IL16: variants seen among roughly 807,000 people sequenced by gnomAD.
IL16 encodes pro-interleukin-16.
In IL16, 67 loss-of-function variants were observed where a neutral mutation model predicts 110.1. The ratio of observed to expected loss-of-function variants is 0.61; its 90% CI spans 0.50 to 0.75. The LOEUF is 0.75. Ranked by LOEUF, IL16 falls within the 30% of genes least tolerant of loss-of-function variation. The probability of loss-of-function intolerance (pLI) is 0.00; values close to 1 mark genes in which losing one functional copy is unlikely to be tolerated. For missense variants in IL16, 1,545 were observed against 1,655.0 expected (o/e 0.93, Z 1.15); for synonymous variants, 689 against 662.9 (o/e 1.04, Z -0.61).
chr15:81,190,719 GT>G (rs1895486140), intron 1 of IL16, among the ~76,000 whole-genome samples: 1 of 152,118 alleles, frequency 6.6e-6, no homozygotes, highest in African/African-American at 2.4e-5. Flanking sequence ...GAAAAATCCA[GT>G]TTCTTAGAAA....
At chr15:81,259,516 T>G (rs1898074946) in intron 2 of IL16, among the ~76,000 whole-genome samples, 2 of 152,376 alleles carry the variant, frequency 1.3e-5, no homozygotes, top group African/African-American at 2.4e-5. Flanking sequence ...AGCTGAAGGA[T>G]TCATTCAATT....
At chr15:81,238,788 A>T in intron 2 of IL16, among the ~76,000 whole-genome samples, 2 of 146,528 alleles carry the variant, frequency 1.4e-5, no homozygotes, top group African/African-American at 5.0e-5. Context: ...TCCTTTAGCC[A>T]TTCTTTAAGG....
intron 3 of IL16, among the ~76,000 whole-genome samples, chr15:81,260,501 CTAGT>C (rs1467278703): frequency 6.6e-6 from 1 of 152,140 alleles, no homozygotes; most frequent in Non-Finnish European, 1.5e-5. Context: ...TTTATGAAAT[CTAGT>C]TAACCAACTC....
At position 81,279,786 on chromosome 15, in the gene IL16, G is replaced by T. The variant is rs771648519; in HGVS notation, c.1081+12G>T. The T allele has an allele frequency of 6.2e-7, 1 of 1,611,416 alleles. No homozygotes were observed. Among genetic ancestry groups the T allele is most frequent in the African/African-American group, 1.3e-5 (1 of 74,902 alleles). On this transcript the variant is annotated intron_variant, in intron 8 of 18. Transcript: ENST00000683961. ...TTCTCTGCAGAAAGGTAGGAGTGCT[G>T]CAGCTGTGTCCCGTGCCTGGGTCTC...
Position 81,282,686 on chromosome 15 carries a change from C to T in IL16, c.1129C>T (p.Gln377Ter). The T allele has an allele frequency of 6.2e-7, 1 of 1,614,140 alleles. No homozygotes were observed. Among genetic ancestry groups the T allele is most frequent in the Non-Finnish European group, 8.5e-7 (1 of 1,180,046 alleles). ...GIGLCSVPYF[Q>*]CISGIFVHTL... is the part of the protein sequence containing the mutation. ...CGGCCTGTGCAGCGTTCCCTACTTC[C>T]AATGCATCTCTGGCATTTTCGTCCA... is the stretch of plus-strand genomic sequence containing the variant. The change falls in exon 9 of 19, where the codon CAA becomes TAA. Residue 377 changes from glutamine to a stop codon, truncating the protein, a stop_gained. Coordinates refer to ENST00000683961, the MANE Select transcript of IL16 (RefSeq NM_172217.5). LOFTEE classifies it high-confidence loss of function.
At chr15:81,266,114 G>A (rs1259112340) in intron 4 of IL16, among the ~76,000 whole-genome samples, 1 of 152,186 alleles carries the variant, frequency 6.6e-6, no homozygotes, top group Non-Finnish European at 1.5e-5. Context: ...TGCGTGGATC[G>A]CTTTATTTCA....
chr15:81,222,008 G>A (rs1042207512), intron 1 of IL16, among the ~76,000 whole-genome samples: 1 of 152,136 alleles, frequency 6.6e-6, no homozygotes, highest in African/African-American at 2.4e-5. Flanking sequence ...CTTGCACCTA[G>A]CCCCAAAGGC....
intron 1 of IL16, among the ~76,000 whole-genome samples, chr15:81,185,395 G>A (rs577578534): frequency 7.9e-5 from 11 of 139,768 alleles, no homozygotes; most frequent in Middle Eastern, 3.9e-3. Context: ...CTCATCTGTC[G>A]CCCAGGCTAG....
At chr15:81,230,113 A>G (rs984765154) in intron 2 of IL16, among the ~76,000 whole-genome samples, 1 of 152,200 alleles carries the variant, frequency 6.6e-6, no homozygotes, top group African/African-American at 2.4e-5. Flanking sequence ...GCATGAAAGT[A>G]CTGATTAGGG....
chr15:81,212,360 T>TTA (rs533330059), intron 1 of IL16, among the ~76,000 whole-genome samples: 211 of 152,296 alleles, frequency 1.4e-3, no homozygotes, highest in Non-Finnish European at 2.5e-3. Context: ...CTTTATTTAC[T>TTA]TATATATACA....
At chr15:81,286,708 G>A (rs1463868124) in intron 10 of IL16, among the ~76,000 whole-genome samples, 2 of 152,174 alleles carry the variant, frequency 1.3e-5, no homozygotes, top group Admixed American at 6.5e-5. Context: ...GAAGCTGATG[G>A]TGAGAGCCTG....
Position 81,225,414 on chromosome 15 carries a change from C to G in IL16, c.15C>G (p.Ser5Arg). Reference protein sequence around the residue: MESHSRAGKSRKSAK... With the variant: MESHRRAGKSRKSAK... ...CCTCTTTGAGGATGGAGTCGCACAGCCGCGCTGGAAAGAGCAGAAAATCTG... is the reference window on the plus strand; with the variant it reads ...CCTCTTTGAGGATGGAGTCGCACAGGCGCGCTGGAAAGAGCAGAAAATCTG... The change falls in exon 2 of 19, where the codon AGC (serine) becomes AGG (arginine). Residue 5 changes from serine to arginine, a missense_variant. By Grantham distance (110) the Ser-to-Arg change is moderately radical (BLOSUM62 -1). Coordinates refer to ENST00000683961, the MANE Select transcript of IL16 (RefSeq NM_172217.5). 1 of 1,613,906 alleles carries G rather than the reference C, an allele frequency of 6.2e-7. No homozygotes were observed.
intron 13 of IL16, 129 bp downstream of exon 13, chr15:81,297,207 C>A (rs1900031363): frequency 2.2e-6 from 2 of 902,140 alleles, no homozygotes; most frequent in Non-Finnish European, 1.6e-6. Context: ...CCTGGCTGAT[C>A]AACAGTCAAG....
chr15:81,238,027 C>G (rs972781238), intron 2 of IL16, among the ~76,000 whole-genome samples: 1 of 152,144 alleles, frequency 6.6e-6, no homozygotes, highest in Admixed American at 6.5e-5. Flanking sequence ...CCTCAGCCTT[C>G]CGAGTAGCTG....
chr15:81,207,246 C>CAAAAAAAAA (rs60442931), intron 1 of IL16, among the ~76,000 whole-genome samples: 64 of 102,296 alleles, frequency 6.3e-4, no homozygotes, highest in Non-Finnish European at 1.2e-3. Flanking sequence ...TCAAAAAAAA[C>CAAAAAAAAA]AAAAAAAAAA....
Position 81,312,721 on chromosome 15 carries a change from T to A in IL16, c.*3923T>A, listed in dbSNP as rs2141666048. Reference sequence around the variant, plus strand: ...AACCATTATTTCCAAGTTGACACCTTTTTTAAGGAAAAATAAATATTTTGC... The same window carrying A: ...AACCATTATTTCCAAGTTGACACCTATTTTAAGGAAAAATAAATATTTTGC... On this transcript the variant is annotated 3_prime_UTR_variant, in exon 19 of 19. Transcript: ENST00000683961. The A allele has an allele frequency of 6.6e-6, 1 of 152,370 alleles. No homozygotes were observed. The highest frequency in any genetic ancestry group is 1.9e-4 in the East Asian group (1 of 5,188). 9.4% of individuals were successfully genotyped at this position (152,370 alleles called of 1,614,324 possible).
intron 2 of IL16, among the ~76,000 whole-genome samples, chr15:81,232,197 C>T (rs1299938774): frequency 2.6e-5 from 4 of 151,802 alleles, no homozygotes; most frequent in Non-Finnish European, 4.4e-5. Context: ...ATTCCAGTCC[C>T]TTTACATGAT....
At chr15:81,254,782 A>G (rs1434913233) in intron 2 of IL16, among the ~76,000 whole-genome samples, 1 of 152,188 alleles carries the variant, frequency 6.6e-6, no homozygotes, top group Non-Finnish European at 1.5e-5. Flanking sequence ...TGGGGCTCCT[A>G]CAGAGAATCC....
At chr15:81,290,912 A>G (rs752820226) in intron 11 of IL16, among the ~76,000 whole-genome samples, 2 of 152,272 alleles carry the variant, frequency 1.3e-5, no homozygotes, top group African/African-American at 2.4e-5. Context: ...AGAAAAACTA[A>G]CATTTGGGAA....
Sources: gnomAD v4.1 joint callset for allele counts (sites outside exome capture counted in the v4.1 genomes callset) on GRCh38, gnomAD v4.1.1 for gene constraint, MANE v1.5 for transcripts, NCBI Gene and HGNC (gene_info 2026-07-23, HGNC 2026-07-21) for gene names.